Variants in AFG2A observed in about 807,000 individuals in gnomAD.
AFG2A encodes AAA ATPase AFG2A.
the AFG2A span, among the ~76,000 whole-genome samples, chr4:123,046,972 C>A: frequency 2.0e-5 from 3 of 152,160 alleles, no homozygotes; most frequent in Non-Finnish European, 2.9e-5. Context: ...GACAGGATCT[C>A]ATTTTTTTAA....
the AFG2A span, among the ~76,000 whole-genome samples, chr4:123,118,330 A>ATTATAT: frequency 3.4e-5 from 2 of 58,214 alleles, no homozygotes; most frequent in Non-Finnish European, 4.2e-5. Flanking sequence ...ATTATATATA[A>ATTATAT]TATATATATT....
At chr4:123,017,441 T>C in the AFG2A span, among the ~76,000 whole-genome samples, 1 of 113,504 alleles carries the variant, frequency 8.8e-6, no homozygotes, top group African/African-American at 3.3e-5. Flanking sequence ...TTTTTTTTTT[T>C]TTTTTTTGCT....
At chr4:123,120,964 C>T in the AFG2A span, among the ~76,000 whole-genome samples, 4 of 152,012 alleles carry the variant, frequency 2.6e-5, no homozygotes, top group African/African-American at 7.2e-5. Context: ...GCCTTGTAAA[C>T]GTACGAGATG....
the AFG2A span, among the ~76,000 whole-genome samples, chr4:123,140,031 C>G: frequency 2.6e-5 from 4 of 151,976 alleles, no homozygotes; most frequent in African/African-American, 4.8e-5. Flanking sequence ...GGGATTTACT[C>G]TTTTCTTTGG....
At chr4:123,129,346 G>A in the AFG2A span, among the ~76,000 whole-genome samples, 15 of 152,270 alleles carry the variant, frequency 9.9e-5, no homozygotes, top group African/African-American at 2.9e-4. Context: ...CATCCCTGCC[G>A]TTTAAGAGCA....
the AFG2A span, among the ~76,000 whole-genome samples, chr4:123,232,369 T>A: frequency 3.3e-5 from 5 of 151,864 alleles, no homozygotes; most frequent in Admixed American, 2.6e-4. Flanking sequence ...ATAAGAGGTA[T>A]AATGTGGAGT....
the AFG2A span, chr4:122,936,105 A>G: frequency 3.1e-6 from 5 of 1,602,612 alleles, no homozygotes; most frequent in Admixed American, 1.7e-5. Flanking sequence ...TACAGATTCT[A>G]TGGTGAGACT....
At chr4:123,194,329 A>T in the AFG2A span, among the ~76,000 whole-genome samples, 2 of 152,210 alleles carry the variant, frequency 1.3e-5, no homozygotes, top group Admixed American at 1.3e-4. Context: ...TTTTTAAAAA[A>T]TTGCAAAAAT....
the AFG2A span, among the ~76,000 whole-genome samples, chr4:123,114,522 G>T: frequency 6.6e-6 from 1 of 152,212 alleles, no homozygotes; most frequent in Non-Finnish European, 1.5e-5. Context: ...TGTCAGTGCT[G>T]CCTGGAGCAG....
At chr4:122,957,922 A>C in the AFG2A span, among the ~76,000 whole-genome samples, 2 of 152,294 alleles carry the variant, frequency 1.3e-5, no homozygotes, top group South Asian at 2.1e-4. Context: ...TAAGTATTTG[A>C]TTAGTTGAAG....
chr4:123,262,369 G>T, the AFG2A span, among the ~76,000 whole-genome samples: 3 of 152,144 alleles, frequency 2.0e-5, no homozygotes, highest in Non-Finnish European at 4.4e-5. Flanking sequence ...TGTAGCGAAA[G>T]AACTAAAGTC....
the AFG2A span, chr4:123,314,782 G>A: frequency 7.0e-6 from 1 of 142,900 alleles, no homozygotes; most frequent in Non-Finnish European, 1.5e-5. Flanking sequence ...TTGAGACAGA[G>A]TCTCACTCTG....
the AFG2A span, among the ~76,000 whole-genome samples, chr4:122,984,555 T>C: frequency 6.6e-6 from 1 of 152,322 alleles, no homozygotes; most frequent in South Asian, 2.1e-4. Context: ...TTTTCAACTT[T>C]TCCCCCATTC....
the AFG2A span, among the ~76,000 whole-genome samples, chr4:123,199,795 A>G: frequency 6.6e-6 from 1 of 152,096 alleles, no homozygotes; most frequent in Non-Finnish European, 1.5e-5. Flanking sequence ...CTAATGTTTT[A>G]TCTGTTATCT....
the AFG2A span, among the ~76,000 whole-genome samples, chr4:123,287,685 T>C: frequency 6.6e-6 from 1 of 152,128 alleles, no homozygotes; most frequent in Non-Finnish European, 1.5e-5. Context: ...GCATCTAATA[T>C]TAGCAACGAA....
the AFG2A span, among the ~76,000 whole-genome samples, chr4:122,955,936 G>A: frequency 6.6e-6 from 1 of 152,198 alleles, no homozygotes; most frequent in South Asian, 2.1e-4. Flanking sequence ...AAAAGCAGAA[G>A]TATCAGTAGA....
the AFG2A span, among the ~76,000 whole-genome samples, chr4:123,262,476 C>T: frequency 3.9e-5 from 6 of 152,204 alleles, no homozygotes; most frequent in African/African-American, 9.6e-5. Context: ...AAGGACTCCA[C>T]GATCTCCTAA....
the AFG2A span, among the ~76,000 whole-genome samples, chr4:123,229,164 G>C: frequency 3.9e-5 from 6 of 151,948 alleles, no homozygotes; most frequent in Non-Finnish European, 8.8e-5. Context: ...AGTAGTCTAA[G>C]TGTTCTGAAT....
chr4:123,119,645 C>T, the AFG2A span, among the ~76,000 whole-genome samples: 1 of 152,150 alleles, frequency 6.6e-6, no homozygotes, highest in African/African-American at 2.4e-5. Flanking sequence ...CTGCAACTTA[C>T]AGAGCTTTAG....
Sources: gnomAD v4.1 joint callset for allele counts (sites outside exome capture counted in the v4.1 genomes callset) on GRCh38, gnomAD v4.1.1 for gene constraint, MANE v1.5 for transcripts, NCBI Gene and HGNC (gene_info 2026-07-23, HGNC 2026-07-21) for gene names.